KIAA1328: variants seen among roughly 807,000 people sequenced by gnomAD.
KIAA1328 encodes protein hinderin.
Under a neutral mutation model 68.1 loss-of-function variants are expected in KIAA1328, and 52 were observed. That is an observed-to-expected ratio of 0.76 (90% confidence interval 0.61 to 0.96). The LOEUF (loss-of-function observed/expected upper bound fraction) is 0.96, where lower values mean the gene tolerates loss of function less well. Among genes scored for constraint, KIAA1328 ranks in the 40% least tolerant of loss-of-function variants. The pLI, the probability that KIAA1328 is intolerant of heterozygous loss-of-function variation, is 0.00. For synonymous variants in KIAA1328, 232 were observed against 239.4 expected (o/e 0.97, Z 0.28); for missense variants, 641 against 677.6 (o/e 0.95, Z 0.60).
intron 7 of KIAA1328, among the ~76,000 whole-genome samples, chr18:37,154,210 C>T (rs1231420244): frequency 6.6e-6 from 1 of 152,134 alleles, no homozygotes; most frequent in African/African-American, 2.4e-5. Flanking sequence ...CCAGGTCCCA[C>T]CCTAGACTGA....
chr18:37,066,953 A>G lies in KIAA1328; in HGVS notation c.640A>G (p.Ile214Val). The G allele has an allele frequency of 1.2e-6, 2 of 1,612,068 alleles. No individual in the cohort carries two copies. The highest frequency in any genetic ancestry group is 1.1e-5 in the South Asian group (1 of 90,658). ...SVELDGSYLS[I>V]ARPQTYYQTK... ...GGAACTGGATGGTTCCTACTTGAGC[A>G]TAGCCAGACCACAGACCTACTATCA... Residue 214 changes from isoleucine (I) to valine (V), a missense_variant, in exon 7 of 10, where the codon ATA (isoleucine) becomes GTA (valine). Physicochemically the swap from Ile to Val is conservative, Grantham distance 29 (BLOSUM62 3). Coordinates refer to ENST00000280020, the MANE Select transcript of KIAA1328 (RefSeq NM_020776.3).
At chr18:37,059,086 T>G (rs923906754) in intron 6 of KIAA1328, among the ~76,000 whole-genome samples, 4 of 152,098 alleles carry the variant, frequency 2.6e-5, no homozygotes, top group African/African-American at 9.7e-5. Flanking sequence ...TTCCCATATC[T>G]CACATGCAAT....
intron 7 of KIAA1328, among the ~76,000 whole-genome samples, chr18:37,117,332 T>C (rs1407001280): frequency 1.3e-5 from 2 of 152,222 alleles, no homozygotes; most frequent in Non-Finnish European, 2.9e-5. Context: ...GATGAGTTCA[T>C]GTCATTTGTG....
At chr18:37,127,969 A>G (rs527306947) in intron 7 of KIAA1328, among the ~76,000 whole-genome samples, 1 of 152,306 alleles carries the variant, frequency 6.6e-6, no homozygotes, top group African/African-American at 2.4e-5. Context: ...CCATGGAGGA[A>G]AGAAATGATG....
intron 7 of KIAA1328, among the ~76,000 whole-genome samples, chr18:37,098,639 A>C (rs1281413288): frequency 6.6e-6 from 1 of 152,230 alleles, no homozygotes; most frequent in Non-Finnish European, 1.5e-5. Context: ...GAATAGTTTC[A>C]GAAGGAATGG....
Position 37,159,079 on chromosome 18 carries a change from C to T in KIAA1328, c.1233-1121C>T, listed in dbSNP as rs139709121. ...AAAAAAGAAGAGTATCACTTTTATA[C>T]ATTTTCTTGTGCCTACTTTATAAAG... On this transcript the variant is annotated intron_variant, in intron 7 of 9. Coordinates refer to ENST00000280020, the MANE Select transcript of KIAA1328 (RefSeq NM_020776.3). 9.2e-5 allele frequency among the ~76,000 whole-genome samples: 14 copies of T among 152,036 alleles called. No individual in the cohort carries two copies. In the East Asian group the frequency reaches 1.2e-3, roughly 13 times the overall value.
chr18:37,123,424 G>A (rs373291009), intron 7 of KIAA1328, among the ~76,000 whole-genome samples: 26 of 152,220 alleles, frequency 1.7e-4, no homozygotes, highest in South Asian at 1.7e-3. Flanking sequence ...AACTCAAAGG[G>A]AGAAAAGTCA....
At chr18:37,216,902 T>C (rs1208464630) in intron 9 of KIAA1328, among the ~76,000 whole-genome samples, 6 of 150,288 alleles carry the variant, frequency 4.0e-5, no homozygotes, top group African/African-American at 9.8e-5. Flanking sequence ...TTTGTCTCTT[T>C]TTTTTTTTTT....
At position 37,183,394 on chromosome 18, in the gene KIAA1328, G is replaced by A. The variant is rs551737258; in HGVS notation, c.1523+10313G>A. Among the ~76,000 whole-genome samples the A allele has an allele frequency of 4.4e-4, 67 of 152,140 alleles. 1 individual carries two copies. Among genetic ancestry groups the A allele is most frequent in the African/African-American group, 1.5e-3 (62 of 41,498 alleles). On this transcript the variant is annotated intron_variant, in intron 9 of 9. Coordinates refer to ENST00000280020, the MANE Select transcript of KIAA1328 (RefSeq NM_020776.3). ...GATTCATTGAATCACAATTGCCCAT[G>A]ATGGGCCCCAGTGATGTGTATTTTT...
At position 37,160,295 on chromosome 18, in the gene KIAA1328, A is replaced by T; in HGVS notation, c.1328A>T (p.Glu443Val). Residue 443 changes from glutamate (E) to valine (V), a missense_variant, in exon 8 of 10, where the codon GAG becomes GTG. Coordinates refer to ENST00000280020, the MANE Select transcript of KIAA1328 (RefSeq NM_020776.3). ...CCAAACAGTGGAGAGAATAGGAAGG[A>T]GAGGAAGACAGTTGGGTTTCATTCG... is the stretch of plus-strand genomic sequence containing the variant. ...DPPNSGENRK[E>V]RKTVGFHSHM... 1 of 1,613,766 alleles carries T rather than the reference A, an allele frequency of 6.2e-7. No individual in the cohort carries two copies. Among genetic ancestry groups the T allele is most frequent in the Non-Finnish European group, 8.5e-7 (1 of 1,179,724 alleles).
chr18:36,938,528 T>C (rs761558028), intron 5 of KIAA1328, among the ~76,000 whole-genome samples: 3 of 152,154 alleles, frequency 2.0e-5, no homozygotes, highest in Non-Finnish European at 4.4e-5. Context: ...TTTACAACTA[T>C]TTTCTCCCAG....
intron 7 of KIAA1328, among the ~76,000 whole-genome samples, chr18:37,118,465 C>G (rs976530603): frequency 2.6e-5 from 4 of 152,170 alleles, no homozygotes; most frequent in Non-Finnish European, 5.9e-5. Flanking sequence ...ATTGACTTTA[C>G]TCACAGAACA....
At chr18:37,036,116 C>G (rs904712238) in intron 6 of KIAA1328, among the ~76,000 whole-genome samples, 1 of 152,162 alleles carries the variant, frequency 6.6e-6, no homozygotes, top group African/African-American at 2.4e-5. Context: ...AAAAAAGGGT[C>G]ACCTTATTAC....
intron 5 of KIAA1328, among the ~76,000 whole-genome samples, chr18:36,892,499 TG>T (rs2048723455): frequency 6.6e-6 from 1 of 152,166 alleles, no homozygotes; most frequent in African/African-American, 2.4e-5. Flanking sequence ...ATTGGGTTTT[TG>T]TTTTTTTTGT....
chr18:36,908,565 C>G (rs996998635), intron 5 of KIAA1328, among the ~76,000 whole-genome samples: 6 of 152,142 alleles, frequency 3.9e-5, no homozygotes, highest in African/African-American at 1.4e-4. Context: ...GCTGATTGAA[C>G]TTTTGAGCTC....
At chr18:37,130,528 G>A (rs2058497877) in intron 7 of KIAA1328, among the ~76,000 whole-genome samples, 1 of 152,086 alleles carries the variant, frequency 6.6e-6, no homozygotes. Context: ...GGAGGCAGGA[G>A]AATGGCTTGA....
chr18:37,030,823 C>T (rs2054794332), intron 6 of KIAA1328, among the ~76,000 whole-genome samples: 1 of 152,090 alleles, frequency 6.6e-6, no homozygotes, highest in Admixed American at 6.5e-5. Flanking sequence ...CTAATGCTAT[C>T]CCTCTCCTAT....
intron 9 of KIAA1328, among the ~76,000 whole-genome samples, chr18:37,199,962 G>A (rs2060077626): frequency 1.3e-5 from 2 of 152,202 alleles, no homozygotes; most frequent in Admixed American, 1.3e-4. Flanking sequence ...TGACTGGAAT[G>A]CTGAACCGTG....
At chr18:36,891,483 C>G (rs761830849) in intron 5 of KIAA1328, among the ~76,000 whole-genome samples, 2 of 152,108 alleles carry the variant, frequency 1.3e-5, no homozygotes, top group Non-Finnish European at 2.9e-5. Context: ...TGCTGAGTCC[C>G]CAAAGTCCGT....
Sources: gnomAD v4.1 joint callset for allele counts (sites outside exome capture counted in the v4.1 genomes callset) on GRCh38, gnomAD v4.1.1 for gene constraint, MANE v1.5 for transcripts, NCBI Gene and HGNC (gene_info 2026-07-23, HGNC 2026-07-21) for gene names.